MUC12: variants seen among roughly 807,000 people sequenced by gnomAD.
MUC12 encodes the protein mucin-12.
A neutral mutation model predicts 230.8 loss-of-function variants in MUC12; 172 were observed. The observed-to-expected ratio is 0.75, with a 90% CI of 0.66 to 0.85. MUC12 has a LOEUF of 0.85. Ranked by LOEUF, MUC12 falls within the 40% of genes least tolerant of loss-of-function variation. The pLI, the probability that MUC12 is intolerant of heterozygous loss-of-function variation, is 0.00. For synonymous variants in MUC12, 1,259 were observed against 2,401.9 expected, an observed-to-expected ratio of 0.52 and a Z score of 13.91; for missense variants, 3,506 against 5,920.6, an observed-to-expected ratio of 0.59 and a Z score of 13.38.
Position 101,005,015 on chromosome 7 carries a change from T to G in MUC12, c.14452T>G (p.Phe4818Val). 6.5e-7 allele frequency: 1 copy of G among 1,537,300 alleles called. No individual in the cohort carries two copies. The highest frequency in any genetic ancestry group is 8.7e-7 in the Non-Finnish European group (1 of 1,146,954). The change falls in exon 2 of 12, where the codon TTT becomes GTT. Residue 4818 changes from phenylalanine (F) to valine (V), a missense_variant. Coordinates refer to ENST00000536621, the MANE Select transcript of MUC12 (RefSeq NM_001164462.2). ...CCCTGGCAGCATCACAACTTCATCTTTTGCTCAAGAATTTACCACCCCTCA... is the reference window on the plus strand; with the variant it reads ...CCCTGGCAGCATCACAACTTCATCTGTTGCTCAAGAATTTACCACCCCTCA... ...LSPGSITTSS[F>V]AQEFTTPHSQ... is the part of the protein sequence containing the mutation.
At position 100,973,143 on chromosome 7, in the gene MUC12, G is replaced by A. The variant is rs569633429; in HGVS notation, c.67+3454G>A. On this transcript the variant is annotated intron_variant, in intron 1 of 11. Coordinates refer to ENST00000536621, the MANE Select transcript of MUC12 (RefSeq NM_001164462.2). ...AGTAGGGCTGGGGATGCCTCTGTAG[G>A]GCAGACCAGCATCAGAGAGGCCATT... is the stretch of plus-strand genomic sequence containing the variant. The A allele has an allele frequency of 1.9e-5, 12 of 645,448 alleles. No homozygotes were observed. In the East Asian group the frequency reaches 2.4e-4, roughly 13 times the overall value. The allele number at this position is 645,448 out of a possible 1,614,324, so 40.0% of individuals were successfully genotyped here.
chr7:101,012,486 T>C (rs1793852573), intron 6 of MUC12, 39 bp downstream of exon 6: 1 of 1,524,898 alleles, frequency 6.6e-7, no homozygotes, highest in Admixed American at 2.0e-5. Context: ...TGTGGGTGTC[T>C]TGGAGATCGT....
rs1793391098 is a variant in MUC12 at position 100,993,478 on chromosome 7, C to T, written c.2915C>T (p.Ser972Leu). The change falls in exon 2 of 12, where the codon TCA (serine) becomes TTA (leucine). Residue 972 changes from serine to leucine, a missense_variant. Physicochemically the swap from Ser to Leu is moderately radical, Grantham distance 145. Coordinates refer to ENST00000536621, the MANE Select transcript of MUC12 (RefSeq NM_001164462.2). ...ACACGCGTCCACAGCAGCACTGGCTCACCACGCACAACACTGTCCCCTGCC... is the reference window on the plus strand; with the variant it reads ...ACACGCGTCCACAGCAGCACTGGCTTACCACGCACAACACTGTCCCCTGCC... ...ASTRVHSSTGSPRTTLSPASS... is the reference protein window; with the variant it reads ...ASTRVHSSTGLPRTTLSPASS... 2 of 1,023,142 alleles carry T rather than the reference C, an allele frequency of 2.0e-6. 1 individual carries two copies. Among genetic ancestry groups the T allele is most frequent in the East Asian group, 7.8e-5 (2 of 25,678 alleles). The allele number at this position is 1,023,142 out of a possible 1,614,324, so 63.4% of individuals were successfully genotyped here.
intron 1 of MUC12, among the ~76,000 whole-genome samples, chr7:100,989,099 C>CTTT (rs61570080): frequency 1.6e-3 from 210 of 133,846 alleles, no homozygotes; most frequent in Middle Eastern, 3.9e-3. Context: ...TCCTCTTCTT[C>CTTT]TTTTTTTTTT....
chr7:100,969,923 C>G (rs1212318241), intron 1 of MUC12, among the ~76,000 whole-genome samples: 4 of 152,310 alleles, frequency 2.6e-5, no homozygotes, highest in Non-Finnish European at 5.9e-5. Context: ...CACACAGCTC[C>G]TGGCTGAGGG....
At position 100,991,997 on chromosome 7, in the gene MUC12, A is replaced by G; in HGVS notation, c.1434A>G (p.Thr478=). 2.0e-6 allele frequency: 3 copies of G among 1,537,990 alleles called. No individual in the cohort carries two copies. Among genetic ancestry groups the G allele is most frequent in the Non-Finnish European group, 2.6e-6 (3 of 1,147,078 alleles). ...SPISSGSMET[T]ALPGSTTKPG... is the part of the protein sequence containing the mutation. ...TCAGTTCAGGCTCAATGGAAACCAC[A>G]GCGTTACCCGGCAGTACCACAAAAC... Residue 478 remains threonine (T), a synonymous_variant, in exon 2 of 12, where the codon ACA becomes ACG. Coordinates refer to ENST00000536621, the MANE Select transcript of MUC12 (RefSeq NM_001164462.2).
rs1356769358 is a variant in MUC12 at position 101,018,646 on chromosome 7, G to A, written c.*10G>A. On this transcript the variant is annotated 3_prime_UTR_variant, in exon 12 of 12. Coordinates refer to ENST00000536621, the MANE Select transcript of MUC12 (RefSeq NM_001164462.2). ...AGCATCCACTGTGTGAGCCAACGGG[G>A]GCCTCCCACCCTCATCTAGCTCTGT... 4 of 1,535,156 alleles carry A rather than the reference G, an allele frequency of 2.6e-6. No homozygotes were observed. The highest frequency in any genetic ancestry group is 3.5e-6 in the Non-Finnish European group (4 of 1,145,824).
chr7:100,992,142 C>G lies in MUC12; in HGVS notation c.1579C>G (p.Arg527Gly). 6.5e-7 allele frequency: 1 copy of G among 1,537,854 alleles called. No homozygotes were observed. Among genetic ancestry groups the G allele is most frequent in the Non-Finnish European group, 8.7e-7 (1 of 1,147,050 alleles). Residue 527 changes from arginine to glycine, a missense_variant, in exon 2 of 12, where the codon CGA becomes GGA. Coordinates refer to ENST00000536621, the MANE Select transcript of MUC12 (RefSeq NM_001164462.2). Reference protein sequence around the residue: ...VSEESTTSHSRPGSTHTTAFP... With the variant: ...VSEESTTSHSGPGSTHTTAFP... ...TGAAGAATCCACCACCTCCCACAGCCGACCAGGCTCAACACACACAACAGC... is the reference window on the plus strand; with the variant it reads ...TGAAGAATCCACCACCTCCCACAGCGGACCAGGCTCAACACACACAACAGC...
rs201150884 is a variant in MUC12, at chr7:100,989,096, C to CTTTTT, written c.68-1533_68-1532insTTTTT. On this transcript the variant is annotated intron_variant, in intron 1 of 11. Coordinates refer to ENST00000536621, the MANE Select transcript of MUC12 (RefSeq NM_001164462.2). The stretch of plus-strand genomic sequence containing the variant: ...GTCTCTGGTATGTCTTCTTCCTCTT[C>CTTTTT]TTCTTTTTTTTTTTTTTTTTTTGAG... 1.9e-4 allele frequency among the ~76,000 whole-genome samples: 25 copies of CTTTTT among 135,018 alleles called. 1 individual carries two copies. The highest frequency in any genetic ancestry group is 6.4e-4 in the East Asian group (3 of 4,684). 88.6% of individuals were successfully genotyped at this position (135,018 alleles called of 152,430 possible).
rs1197345167 is a variant in MUC12 at position 101,005,232 on chromosome 7, C to T, written c.14669C>T (p.Thr4890Ile). 1 of 1,537,874 alleles carries T rather than the reference C, an allele frequency of 6.5e-7. No homozygotes were observed. Among genetic ancestry groups the T allele is most frequent in the Non-Finnish European group, 8.7e-7 (1 of 1,147,046 alleles). The change falls in exon 2 of 12, where the codon ACA (threonine) becomes ATA (isoleucine). Residue 4890 changes from threonine to isoleucine, a missense_variant. Physicochemically the swap from Thr to Ile is moderately conservative, Grantham distance 89. Coordinates refer to ENST00000536621, the MANE Select transcript of MUC12 (RefSeq NM_001164462.2). Reference sequence around the variant, plus strand: ...CCTGACAGCCCAGGCTTCACTCACACAGTGTTACCTGCCACCCTCACAACC... The same window carrying T: ...CCTGACAGCCCAGGCTTCACTCACATAGTGTTACCTGCCACCCTCACAACC... The part of the protein sequence containing the change: ...PFPDSPGFTH[T>I]VLPATLTTTD...
chr7:100,972,484 C>A (rs1282521218), intron 1 of MUC12, among the ~76,000 whole-genome samples: 1 of 152,258 alleles, frequency 6.6e-6, no homozygotes, highest in Non-Finnish European at 1.5e-5. Context: ...GATGTCAGAT[C>A]AGAGACGATC....
At position 100,991,837 on chromosome 7, in the gene MUC12, G is replaced by C. The variant is rs761189542; in HGVS notation, c.1274G>C (p.Arg425Pro). 8.5e-6 allele frequency: 13 copies of C among 1,537,390 alleles called. No individual in the cohort carries two copies. The highest frequency in any genetic ancestry group is 1.1e-5 in the Non-Finnish European group (13 of 1,146,744). Reference protein sequence around the residue: ...SLGSTETTHFRDSSTISGRSE... With the variant: ...SLGSTETTHFPDSSTISGRSE... ...GGCTCAACTGAAACAACACACTTCC[G>C]TGATAGCTCCACAATCTCAGGCCGT... Residue 425 changes from arginine (R) to proline (P), a missense_variant, in exon 2 of 12, where the codon CGT (arginine) becomes CCT (proline). Coordinates refer to ENST00000536621, the MANE Select transcript of MUC12 (RefSeq NM_001164462.2).
At position 100,990,890 on chromosome 7, in the gene MUC12, T is replaced by G; in HGVS notation, c.327T>G (p.Pro109=). 3.3e-6 allele frequency: 5 copies of G among 1,537,792 alleles called. No homozygotes were observed. The highest frequency in any genetic ancestry group is 4.4e-6 in the Non-Finnish European group (5 of 1,147,032). The change falls in exon 2 of 12, where the codon CCT becomes CCG. Residue 109 remains proline (P), a synonymous_variant. Coordinates refer to ENST00000536621, the MANE Select transcript of MUC12 (RefSeq NM_001164462.2). ...HSATSVFVGE[P]KTSPITSASM... is the part of the protein sequence containing the mutation. ...CAACCTCAGTTTTTGTTGGAGAACC[T>G]AAAACCTCACCCATCACTTCAGCCT...
Position 101,005,150 on chromosome 7 carries a change from A to G in MUC12, c.14587A>G (p.Thr4863Ala). The change falls in exon 2 of 12, where the codon ACA becomes GCA. Residue 4863 changes from threonine to alanine, a missense_variant. Physicochemically the swap from Thr to Ala is moderately conservative, Grantham distance 58. Transcript: ENST00000536621. ...FYSSPGSTETTAFSHSNTMSI... is the reference protein window; with the variant it reads ...FYSSPGSTETAAFSHSNTMSI... ...CAGCAGCCCAGGCTCAACTGAAACC[A>G]CAGCGTTTTCTCACAGCAACACAAT... 1.3e-6 allele frequency: 2 copies of G among 1,537,956 alleles called. No homozygotes were observed. Among genetic ancestry groups the G allele is most frequent in the Non-Finnish European group, 8.7e-7 (1 of 1,147,068 alleles).
chr7:101,004,999 C>G lies in MUC12; in HGVS notation c.14436C>G (p.Ser4812Arg). Residue 4812 changes from serine (S) to arginine (R), a missense_variant, in exon 2 of 12, where the codon AGC becomes AGG. Physicochemically the swap from Ser to Arg is moderately radical, Grantham distance 110. Coordinates refer to ENST00000536621, the MANE Select transcript of MUC12 (RefSeq NM_001164462.2). ...GSTETTLSPG[S>R]ITTSSFAQEF... ...CTGAGACAACACTGTCCCCTGGCAG[C>G]ATCACAACTTCATCTTTTGCTCAAG... The G allele has an allele frequency of 1.3e-6, 2 of 1,537,710 alleles. No individual in the cohort carries two copies. Among genetic ancestry groups the G allele is most frequent in the Non-Finnish European group, 1.7e-6 (2 of 1,147,026 alleles).
chr7:101,004,698 C>A lies in MUC12; in HGVS notation c.14135C>A (p.Thr4712Asn), dbSNP rs749303658. 47 of 1,537,728 alleles carry A rather than the reference C, an allele frequency of 3.1e-5. No individual in the cohort carries two copies. In the African/African-American group the frequency reaches 4.5e-4, roughly 15 times the overall value. ...ACCTCAGGCCGCATTGCAGAATCTA[C>A]CACCTTCTATATCTCTCCAGGCTCA... The part of the protein sequence containing the change: ...FTTSGRIAES[T>N]TFYISPGSME... The change falls in exon 2 of 12, where the codon ACC becomes AAC. Residue 4712 changes from threonine (T) to asparagine (N), a missense_variant. Transcript: ENST00000536621.
rs184893301 is a variant in MUC12, at chr7:100,972,805, C to T, written c.67+3116C>T. On this transcript the variant is annotated intron_variant, in intron 1 of 11. Transcript: ENST00000536621. ...ACAGGTGCGAGCCACCGCATCTGGCCCAGCATCTGTAGCTTTTCTTCCTAC... is the reference window on the plus strand; with the variant it reads ...ACAGGTGCGAGCCACCGCATCTGGCTCAGCATCTGTAGCTTTTCTTCCTAC... 1.5e-4 allele frequency: 103 copies of T among 690,840 alleles called. 1 individual carries two copies. Among genetic ancestry groups the T allele is most frequent in the African/African-American group, 1.3e-3 (71 of 55,500 alleles). The allele number at this position is 690,840 out of a possible 1,614,324, so 42.8% of individuals were successfully genotyped here.
chr7:100,983,236 A>G (rs1433531430), intron 1 of MUC12, among the ~76,000 whole-genome samples: 1 of 151,908 alleles, frequency 6.6e-6, no homozygotes, highest in East Asian at 1.9e-4. Context: ...CCTGTCCAAC[A>G]TGGCAAAACC....
At chr7:101,009,455 G>A (rs1306562905) in intron 5 of MUC12, among the ~76,000 whole-genome samples, 1 of 152,194 alleles carries the variant, frequency 6.6e-6, no homozygotes, top group Non-Finnish European at 1.5e-5. Flanking sequence ...AGTCTGCTTA[G>A]AGTTTCAGTA....
Sources: gnomAD v4.1 joint callset for allele counts (sites outside exome capture counted in the v4.1 genomes callset) on GRCh38, gnomAD v4.1.1 for gene constraint, MANE v1.5 for transcripts, NCBI Gene and HGNC (gene_info 2026-07-23, HGNC 2026-07-21) for gene names.